The following DACH2 variants were observed in gnomAD, a reference collection of about 807,000 sequenced individuals.
The protein encoded by DACH2 is dachshund homolog 2.
DACH2 carries 17 observed loss-of-function variants against 35.8 expected under a neutral mutation model. The observed-to-expected ratio is 0.48, with a 90% CI of 0.33 to 0.71. DACH2 has a LOEUF of 0.71. Among genes scored for constraint, DACH2 ranks in the 30% least tolerant of loss-of-function variants. DACH2 has a pLI of 0.02. For missense variants in DACH2, 469 were observed against 472.7 expected, an observed-to-expected ratio of 0.99 and a Z score of 0.07; for synonymous variants, 195 against 177.3, an observed-to-expected ratio of 1.10 and a Z score of -0.79.
chrX:86,738,713 C>A (rs1569476084), intron 6 of DACH2, among the ~76,000 whole-genome samples: 1 of 110,925 alleles, frequency 9.0e-6, no homozygotes, highest in Non-Finnish European at 1.9e-5. Context: ...AATCAGAAGT[C>A]TTGAGAGCCA....
chrX:86,356,990 T>C (rs769649404), intron 1 of DACH2, among the ~76,000 whole-genome samples: 1 of 111,144 alleles, frequency 9.0e-6, no homozygotes, highest in Non-Finnish European at 1.9e-5. Context: ...CATAGTCCAT[T>C]GTATCACTCT....
chrX:86,703,942 CA>C (rs979028317), intron 5 of DACH2, among the ~76,000 whole-genome samples: 6 of 111,415 alleles, frequency 5.4e-5, no homozygotes, highest in African/African-American at 1.6e-4. Context: ...CCATTATTAA[CA>C]AAAAAACTAT....
intron 2 of DACH2, among the ~76,000 whole-genome samples, chrX:86,451,573 T>C (rs1384768852): frequency 9.0e-6 from 1 of 111,358 alleles, no homozygotes; most frequent in Admixed American, 9.6e-5. Flanking sequence ...GTTTTAAAAG[T>C]TTTTTTCTAA....
chrX:86,447,024 T>C (rs1375886077), intron 2 of DACH2, among the ~76,000 whole-genome samples: 1 of 69,139 alleles, frequency 1.4e-5, no homozygotes, highest in African/African-American at 5.4e-5. Context: ...GTGGTTTTGA[T>C]TTGCATTTCT....
In DACH2 at chrX:86,708,771, T is replaced by C. The variant is rs538432041; in HGVS notation, c.932-5777T>C. Among the ~76,000 whole-genome samples, 28 of 111,290 alleles carry C rather than the reference T, an allele frequency of 2.5e-4. 1 individual carries two copies. The South Asian group carries it at 8.4e-3, about 33-fold the overall frequency. ...TGTAACAAAACTGCACTTCTACCTC[T>C]TAAATTTGTACAAATAAAAACACAA... On this transcript the variant is annotated intron_variant, in intron 5 of 11. Coordinates refer to ENST00000373125, the MANE Select transcript of DACH2 (RefSeq NM_053281.3).
intron 2 of DACH2, among the ~76,000 whole-genome samples, chrX:86,400,452 G>A (rs186466026): frequency 6.3e-5 from 7 of 111,579 alleles, no homozygotes; most frequent in East Asian, 2.8e-4. Flanking sequence ...GAGGAGAGGC[G>A]CTCTGAGTTT....
At chrX:86,320,341 T>C (rs1419227819) in intron 1 of DACH2, among the ~76,000 whole-genome samples, 1 of 112,480 alleles carries the variant, frequency 8.9e-6, no homozygotes, top group African/African-American at 3.2e-5. Flanking sequence ...TTTTCATTAA[T>C]TAAACCATTA....
At chrX:86,777,822 C>T (rs1353111767) in intron 7 of DACH2, among the ~76,000 whole-genome samples, 1 of 111,317 alleles carries the variant, frequency 9.0e-6, no homozygotes, top group Non-Finnish European at 1.9e-5. Flanking sequence ...CTGTGATCTG[C>T]AACTTTAATG....
At chrX:86,397,069 G>A (rs1287478426) in intron 2 of DACH2, among the ~76,000 whole-genome samples, 1 of 109,943 alleles carries the variant, frequency 9.1e-6, no homozygotes, top group Non-Finnish European at 1.9e-5. Flanking sequence ...ATTTCCTTGA[G>A]CAGTGGTTTG....
chrX:86,408,157 C>A (rs1322250512), intron 2 of DACH2, among the ~76,000 whole-genome samples: 2 of 111,195 alleles, frequency 1.8e-5, no homozygotes, highest in Non-Finnish European at 3.8e-5. Context: ...TCAGTTGCAC[C>A]CATTAGAAAC....
chrX:86,629,151 C>T (rs904009241), intron 3 of DACH2, among the ~76,000 whole-genome samples: 5 of 111,620 alleles, frequency 4.5e-5, no homozygotes, highest in Non-Finnish European at 9.4e-5. Context: ...TTCTTGCGTT[C>T]CCAGCATTTC....
intron 2 of DACH2, among the ~76,000 whole-genome samples, chrX:86,494,561 G>A (rs181595729): frequency 8.9e-6 from 1 of 112,818 alleles, no homozygotes; most frequent in East Asian, 2.8e-4. Context: ...TGAGCGCAAT[G>A]AGCAAATAAA....
chrX:86,148,930 G>A lies in DACH2; in HGVS notation c.310G>A (p.Gly104Arg). ...VFDLFLKHLV[G>R]GLHTVYTKLK... ...TGATCTTTTTCTCAAGCACCTGGTG[G>A]GAGGCTTGCACACTGTGTACACCAA... Residue 104 changes from glycine to arginine, a missense_variant, in exon 1 of 12, where the codon GGA (glycine) becomes AGA (arginine). This residue lies in a region of DACH2 where 99 missense variants were observed against 114.3 expected (regional missense o/e 0.87). Transcript: ENST00000373125. 1 of 1,210,938 alleles carries A rather than the reference G, an allele frequency of 8.3e-7. No individual in the cohort carries two copies. The highest frequency in any genetic ancestry group is 1.1e-6 in the Non-Finnish European group (1 of 895,392).
intron 1 of DACH2, among the ~76,000 whole-genome samples, chrX:86,178,665 C>T (rs893560305): frequency 9.0e-6 from 1 of 111,130 alleles, no homozygotes; most frequent in Non-Finnish European, 1.9e-5. Context: ...ATGCTTTCTA[C>T]TTTCTAGATG....
chrX:86,444,296 C>T (rs2037221333), intron 2 of DACH2, among the ~76,000 whole-genome samples: 1 of 110,738 alleles, frequency 9.0e-6, no homozygotes, highest in African/African-American at 3.3e-5. Flanking sequence ...TGCTATGTTG[C>T]CCAGGCTGAT....
intron 3 of DACH2, among the ~76,000 whole-genome samples, 161 bp from the exon 4 acceptor site, chrX:86,650,875 A>C (rs2040469954): frequency 9.0e-6 from 1 of 111,467 alleles, no homozygotes; most frequent in Admixed American, 9.6e-5. Context: ...CAATTACATT[A>C]AGAAATGATC....
chrX:86,648,721 G>A (rs144338836), intron 3 of DACH2, among the ~76,000 whole-genome samples: 3,305 of 110,412 alleles, frequency 0.03, 142 homozygotes, highest in African/African-American at 0.1. Flanking sequence ...TCATCAAGTT[G>A]TACACATTAT....
At chrX:86,790,139 T>G (rs987306936) in intron 7 of DACH2, among the ~76,000 whole-genome samples, 2 of 111,920 alleles carry the variant, frequency 1.8e-5, no homozygotes, top group Non-Finnish European at 3.8e-5. Flanking sequence ...AGATTTGTCA[T>G]TAAAATTGAA....
intron 2 of DACH2, among the ~76,000 whole-genome samples, chrX:86,469,202 G>A (rs967407662): frequency 8.1e-5 from 9 of 111,064 alleles, no homozygotes; most frequent in Non-Finnish European, 1.7e-4. Flanking sequence ...GAGGCTGGAT[G>A]ATGAGGGGAT....
Sources: gnomAD v4.1 joint callset for allele counts (sites outside exome capture counted in the v4.1 genomes callset) on GRCh38, gnomAD v4.1.1 for gene constraint, gnomAD v4.1.1 regional missense constraint, MANE v1.5 for transcripts, NCBI Gene and HGNC (gene_info 2026-07-23, HGNC 2026-07-21) for gene names.